The following VPS41 variants were observed in gnomAD, a reference collection of about 807,000 sequenced individuals.
VPS41 encodes the protein VPS41 subunit of HOPS complex.
Under a neutral mutation model 130.9 loss-of-function variants are expected in VPS41, and 85 were observed. The ratio of observed to expected loss-of-function variants is 0.65; its 90% CI spans 0.55 to 0.78. The LOEUF (loss-of-function observed/expected upper bound fraction) is 0.78, where lower values mean the gene tolerates loss of function less well. VPS41 is among the 30% of genes least tolerant of loss of function. The pLI, the probability that VPS41 is intolerant of heterozygous loss-of-function variation, is 0.00. For synonymous variants in VPS41, 335 were observed against 332.9 expected, an observed-to-expected ratio of 1.01 and a Z score of -0.07; for missense variants, 874 against 1,018.7, an observed-to-expected ratio of 0.86 and a Z score of 1.93.
chr7:38,760,903 T>C (rs1455884547), intron 17 of VPS41, among the ~76,000 whole-genome samples: 1 of 152,122 alleles, frequency 6.6e-6, no homozygotes, highest in East Asian at 1.9e-4. Flanking sequence ...GTAAGAAAAG[T>C]GCAAAAGAAT....
chr7:38,818,385 C>T (rs1198889958), intron 6 of VPS41, among the ~76,000 whole-genome samples: 1 of 152,148 alleles, frequency 6.6e-6, no homozygotes, highest in African/African-American at 2.4e-5. Context: ...GGAGAGAGAA[C>T]AGAGCTACAG....
chr7:38,838,357 C>T (rs1186437797), intron 4 of VPS41, among the ~76,000 whole-genome samples: 1 of 152,104 alleles, frequency 6.6e-6, no homozygotes, highest in Non-Finnish European at 1.5e-5. Flanking sequence ...TTTACCATAA[C>T]AGCAATGAGC....
At chr7:38,814,627 G>A (rs1372824194) in intron 7 of VPS41, among the ~76,000 whole-genome samples, 1 of 152,076 alleles carries the variant, frequency 6.6e-6, no homozygotes, top group Non-Finnish European at 1.5e-5. Flanking sequence ...TCTAGCCTGG[G>A]CGACAGAGCA....
intron 9 of VPS41, among the ~76,000 whole-genome samples, chr7:38,794,714 G>C (rs1273398344): frequency 6.6e-6 from 1 of 152,186 alleles, no homozygotes; most frequent in Non-Finnish European, 1.5e-5. Context: ...CTCAAAGCCT[G>C]AGCTCTTCCA....
Position 38,781,294 on chromosome 7 carries a change from A to T in VPS41, c.785-4518T>A, listed in dbSNP as rs151037424. ...TGGAATTCTGTATGTAGCACAAATC[A>T]ATCCACACTAGCCATACCACAAAGA... On this transcript the variant is annotated intron_variant, in intron 10 of 28. Transcript: ENST00000310301. 3.3e-5 allele frequency among the ~76,000 whole-genome samples: 5 copies of T among 152,340 alleles called. No individual in the cohort carries two copies. In the East Asian group the frequency reaches 9.6e-4, roughly 29 times the overall value.
chr7:38,882,997 C>T (rs2116386446), intron 2 of VPS41, among the ~76,000 whole-genome samples: 1 of 152,278 alleles, frequency 6.6e-6, no homozygotes, highest in Admixed American at 6.5e-5. Flanking sequence ...AATCCCAGCA[C>T]TTTGGGAGGC....
chr7:38,885,569 A>G (rs1257931697), intron 2 of VPS41, among the ~76,000 whole-genome samples: 3 of 152,220 alleles, frequency 2.0e-5, no homozygotes, highest in African/African-American at 7.2e-5. Flanking sequence ...CAGCATAACC[A>G]GCCTCTCCCA....
chr7:38,765,784 G>A, intron 15 of VPS41, 123 bp from the exon 16 acceptor site: 1 of 613,468 alleles, frequency 1.6e-6, no homozygotes, highest in South Asian at 2.4e-5. Context: ...TCAGAGTTTT[G>A]ATGAATTTCT....
intron 10 of VPS41, among the ~76,000 whole-genome samples, chr7:38,783,138 A>G (rs1433078480): frequency 6.6e-6 from 1 of 152,130 alleles, no homozygotes; most frequent in Non-Finnish European, 1.5e-5. Flanking sequence ...AAAAAAAAAG[A>G]AAAAAGAGTA....
At chr7:38,888,233 A>T (rs1786778353) in intron 2 of VPS41, among the ~76,000 whole-genome samples, 1 of 152,132 alleles carries the variant, frequency 6.6e-6, no homozygotes, top group Non-Finnish European at 1.5e-5. Context: ...ACACAGACGC[A>T]AACTGGATAG....
At chr7:38,767,679 A>C in intron 14 of VPS41, 81 bp from the exon 15 acceptor site, 1 of 961,312 alleles carries the variant, frequency 1.0e-6, no homozygotes, top group Non-Finnish European at 1.6e-6. Flanking sequence ...CACAGGGCAT[A>C]ACATTAGGGT....
At chr7:38,765,683 G>A in intron 15 of VPS41, 22 bp from the exon 16 acceptor site, 1 of 1,517,836 alleles carries the variant, frequency 6.6e-7, no homozygotes, top group Non-Finnish European at 9.0e-7. Flanking sequence ...AACATCCCAG[G>A]CAGAAAGAAA....
At chr7:38,895,943 C>CT (rs1436432139) in intron 2 of VPS41, among the ~76,000 whole-genome samples, 1 of 152,186 alleles carries the variant, frequency 6.6e-6, no homozygotes, top group African/African-American at 2.4e-5. Flanking sequence ...GCTGTACTCT[C>CT]TTTATTTCTA....
chr7:38,774,289 A>G, intron 11 of VPS41, 45 bp from the exon 12 acceptor site: 2 of 1,511,834 alleles, frequency 1.3e-6, no homozygotes, highest in Non-Finnish European at 1.8e-6. Context: ...TTACATTTCT[A>G]TATATCATAC....
At chr7:38,808,602 CT>C (rs1444228793) in intron 7 of VPS41, among the ~76,000 whole-genome samples, 1 of 152,168 alleles carries the variant, frequency 6.6e-6, no homozygotes, top group Non-Finnish European at 1.5e-5. Flanking sequence ...AATTTTAATT[CT>C]TAAAAATGTT....
chr7:38,900,293 A>G (rs1787113252), intron 1 of VPS41, among the ~76,000 whole-genome samples: 10 of 152,170 alleles, frequency 6.6e-5, no homozygotes, highest in Admixed American at 6.5e-4. Flanking sequence ...AATTATCTTA[A>G]GTGAAACAAC....
At chr7:38,876,533 A>G (rs1222126983) in intron 2 of VPS41, among the ~76,000 whole-genome samples, 2 of 152,076 alleles carry the variant, frequency 1.3e-5, no homozygotes, top group Non-Finnish European at 1.5e-5. Flanking sequence ...GATAGCAAAT[A>G]AAAAAAATCA....
chr7:38,820,294 C>T (rs1030124936), intron 6 of VPS41, among the ~76,000 whole-genome samples: 1 of 152,190 alleles, frequency 6.6e-6, no homozygotes, highest in African/African-American at 2.4e-5. Context: ...CAATCACTCT[C>T]CTGTTTAAAT....
At chr7:38,787,736 G>C (rs574837949) in intron 10 of VPS41, among the ~76,000 whole-genome samples, 4 of 152,244 alleles carry the variant, frequency 2.6e-5, no homozygotes, top group Non-Finnish European at 4.4e-5. Flanking sequence ...AGGGCTAAAG[G>C]AAATTGTAAT....
Sources: gnomAD v4.1 joint callset for allele counts (sites outside exome capture counted in the v4.1 genomes callset) on GRCh38, gnomAD v4.1.1 for gene constraint, MANE v1.5 for transcripts, NCBI Gene and HGNC (gene_info 2026-07-23, HGNC 2026-07-21) for gene names.